The following CDC42BPA variants were observed in gnomAD, a reference collection of about 807,000 sequenced individuals.
The protein encoded by CDC42BPA is serine/threonine-protein kinase MRCK alpha.
CDC42BPA carries 80 observed loss-of-function variants against 223.5 expected under a neutral mutation model. That is an observed-to-expected ratio of 0.36 (90% CI 0.30 to 0.43). The LOEUF (loss-of-function observed/expected upper bound fraction) is 0.43, where lower values mean the gene tolerates loss of function less well. Ranked by LOEUF, CDC42BPA falls within the 20% of genes least tolerant of loss-of-function variation. CDC42BPA has a pLI of 1.00. For missense variants in CDC42BPA, 1,743 were observed against 2,099.9 expected, an observed-to-expected ratio of 0.83 and a Z score of 3.32; for synonymous variants, 694 against 718.6, an observed-to-expected ratio of 0.97 and a Z score of 0.55.
chr1:227,133,096 G>GC (rs71179194), intron 10 of CDC42BPA, among the ~76,000 whole-genome samples: 100,954 of 141,344 alleles, frequency 0.71, 36,496 homozygotes, highest in South Asian at 0.86. Flanking sequence ...GGGGGGGTCA[G>GC]CCCCCCGCCC....
intron 27 of CDC42BPA, 115 bp downstream of exon 27, chr1:227,033,219 A>G (rs1572380477): frequency 1.6e-6 from 1 of 639,320 alleles, no homozygotes; most frequent in East Asian, 2.8e-5. Context: ...TGGAATATAT[A>G]AAAGAATATA....
At chr1:227,210,054 A>G (rs1472576031) in intron 3 of CDC42BPA, among the ~76,000 whole-genome samples, 1 of 151,970 alleles carries the variant, frequency 6.6e-6, no homozygotes, top group East Asian at 1.9e-4. Flanking sequence ...TGGTCTATTC[A>G]GAGATTCAAC....
At chr1:227,015,966 ACATTTCCT>A in intron 34 of CDC42BPA, 106 bp downstream of exon 34, 1 of 668,862 alleles carries the variant, frequency 1.5e-6, no homozygotes, top group Non-Finnish European at 2.7e-6. Context: ...ACTGAGAGAA[ACATTTCCT>A]CATTACTTTC....
intron 35 of CDC42BPA, among the ~76,000 whole-genome samples, chr1:227,000,222 C>T (rs927510148): frequency 2.6e-5 from 4 of 152,056 alleles, no homozygotes; most frequent in African/African-American, 9.7e-5. Flanking sequence ...CCTAACACTC[C>T]ATCCCCACCA....
intron 30 of CDC42BPA, among the ~76,000 whole-genome samples, chr1:227,027,336 C>T (rs1315179632): frequency 6.6e-6 from 1 of 152,192 alleles, no homozygotes; most frequent in African/African-American, 2.4e-5. Flanking sequence ...CCCTCCCAAA[C>T]TTTCTCGCAC....
chr1:227,125,161 A>G (rs887588043), intron 11 of CDC42BPA, among the ~76,000 whole-genome samples: 1 of 151,734 alleles, frequency 6.6e-6, no homozygotes, highest in African/African-American at 2.4e-5. Context: ...AAAGACAGAC[A>G]ACTCACAGAA....
intron 20 of CDC42BPA, among the ~76,000 whole-genome samples, chr1:227,070,120 A>G (rs1210497052): frequency 2.0e-5 from 3 of 151,898 alleles, no homozygotes; most frequent in Non-Finnish European, 4.4e-5. Context: ...AATAATAAAA[A>G]ACCACATTAA....
intron 21 of CDC42BPA, among the ~76,000 whole-genome samples, chr1:227,056,688 G>A (rs560488561): frequency 6.6e-6 from 1 of 152,156 alleles, no homozygotes; most frequent in Non-Finnish European, 1.5e-5. Flanking sequence ...ACCATGCCTG[G>A]CCAAAATCCA....
chr1:227,281,575 T>G (rs1375731028), intron 1 of CDC42BPA, among the ~76,000 whole-genome samples: 2 of 152,166 alleles, frequency 1.3e-5, no homozygotes, highest in African/African-American at 4.8e-5. Flanking sequence ...CTGGTCAGTC[T>G]CCTGTGGCTG....
intron 2 of CDC42BPA, among the ~76,000 whole-genome samples, chr1:227,250,648 G>A (rs1243364413): frequency 6.6e-6 from 1 of 151,920 alleles, no homozygotes; most frequent in African/African-American, 2.4e-5. Flanking sequence ...GTATGTGTGT[G>A]TGTGTATACC....
intron 9 of CDC42BPA, among the ~76,000 whole-genome samples, chr1:227,140,785 T>C (rs1300899584): frequency 6.6e-6 from 1 of 152,114 alleles, no homozygotes; most frequent in Non-Finnish European, 1.5e-5. Flanking sequence ...ATTTACATAG[T>C]AAGTGGGTGG....
In CDC42BPA at chr1:227,121,636, CATG is replaced by C. The variant is rs1688678562; in HGVS notation, c.1514-1702_1514-1700del. 2.0e-5 allele frequency among the ~76,000 whole-genome samples: 3 copies of C among 152,174 alleles called. No individual in the cohort carries two copies. The South Asian group carries it at 6.2e-4, about 32-fold the overall frequency. ...AAATCATAGGGTGTTTAATCTTAATCATGGTGTTTAGTCTTATATTCAGAAAAC... is the reference window on the plus strand; with the variant it reads ...AAATCATAGGGTGTTTAATCTTAATCGTGTTTAGTCTTATATTCAGAAAAC... On this transcript the variant is annotated intron_variant, in intron 11 of 36. Transcript: ENST00000366766.
intron 11 of CDC42BPA, among the ~76,000 whole-genome samples, chr1:227,127,510 C>T (rs899671073): frequency 3.9e-5 from 6 of 152,168 alleles, no homozygotes; most frequent in Non-Finnish European, 7.4e-5. Flanking sequence ...TTTTCCAAAT[C>T]GATATCGCTT....
At chr1:227,115,515 CAA>C (rs11355371) in intron 12 of CDC42BPA, among the ~76,000 whole-genome samples, 23,243 of 144,908 alleles carry the variant, frequency 0.16, 2,149 homozygotes, top group African/African-American at 0.25. Context: ...ACCAGGTAGG[CAA>C]AAAAAAAAAA....
intron 24 of CDC42BPA, among the ~76,000 whole-genome samples, chr1:227,039,558 CA>C (rs1411947112): frequency 1.3e-5 from 2 of 152,178 alleles, no homozygotes. Flanking sequence ...TTTCTGTTCA[CA>C]TGACCCCTGA....
Position 226,993,182 on chromosome 1 carries a change from C to G in CDC42BPA, c.*1086G>C, listed in dbSNP as rs1349509005. On this transcript the variant is annotated 3_prime_UTR_variant, in exon 37 of 37. Transcript: ENST00000366766. ...TGACTTAGGGAGGGACAGGATTAGC[C>G]CAGGAATAAAAGCATTTTTAGAAAT... 1 of 152,180 alleles carries G rather than the reference C, an allele frequency of 6.6e-6. No individual in the cohort carries two copies. The highest frequency in any genetic ancestry group is 2.4e-5 in the African/African-American group (1 of 41,422). The allele number at this position is 152,180 out of a possible 1,614,324, so 9.4% of individuals were successfully genotyped here.
chr1:227,256,940 T>C (rs112920956), intron 1 of CDC42BPA, among the ~76,000 whole-genome samples: 19,888 of 117,088 alleles, frequency 0.17, 1,701 homozygotes, highest in African/African-American at 0.25. Flanking sequence ...ATGTGATATA[T>C]ATATACAGAC....
chr1:227,072,460 T>C (rs1444462916), intron 19 of CDC42BPA, among the ~76,000 whole-genome samples, 161 bp from the exon 20 acceptor site: 1 of 151,982 alleles, frequency 6.6e-6, no homozygotes, highest in Non-Finnish European at 1.5e-5. Flanking sequence ...CTACCTACTT[T>C]CATGTAGATT....
At chr1:227,131,137 CTT>C (rs1338586329) in intron 10 of CDC42BPA, among the ~76,000 whole-genome samples, 2 of 149,004 alleles carry the variant, frequency 1.3e-5, no homozygotes, top group African/African-American at 4.9e-5. Flanking sequence ...TTCTTAGTAA[CTT>C]TAACATCAAA....
Sources: gnomAD v4.1 joint callset for allele counts (sites outside exome capture counted in the v4.1 genomes callset) on GRCh38, gnomAD v4.1.1 for gene constraint, MANE v1.5 for transcripts, NCBI Gene and HGNC (gene_info 2026-07-23, HGNC 2026-07-21) for gene names.